Variants in CBFB observed in about 807,000 individuals in gnomAD.
CBFB encodes the protein CBF-beta.
A neutral mutation model predicts 30.4 loss-of-function variants in CBFB; 9 were observed. That is an observed-to-expected ratio of 0.30 (90% CI 0.18 to 0.52). The LOEUF (loss-of-function observed/expected upper bound fraction) is 0.52. Ranked by LOEUF, CBFB falls within the 20% of genes least tolerant of loss-of-function variation. The pLI is 0.97. For missense variants in CBFB, 170 were observed against 244.0 expected, an observed-to-expected ratio of 0.70 and a Z score of 2.02; for synonymous variants, 94 against 84.0, an observed-to-expected ratio of 1.12 and a Z score of -0.65.
At chr16:67,057,466 G>A (rs1055078176) in intron 3 of CBFB, among the ~76,000 whole-genome samples, 4 of 152,052 alleles carry the variant, frequency 2.6e-5, no homozygotes, top group Admixed American at 1.3e-4. Context: ...ATTCACAGAC[G>A]TGGCATTGCT....
intron 3 of CBFB, among the ~76,000 whole-genome samples, chr16:67,060,865 C>T (rs1036857202): frequency 2.6e-5 from 4 of 152,064 alleles, no homozygotes; most frequent in Admixed American, 6.6e-5. Flanking sequence ...GCTTTCTGCA[C>T]GTTTCATATA....
At position 67,099,154 on chromosome 16, in the gene CBFB, T is replaced by A; in HGVS notation, c.*376T>A. On this transcript the variant is annotated 3_prime_UTR_variant, in exon 6 of 6. Transcript: ENST00000412916. ...AATTGTATCAGAGGGTTTTCTCTAA[T>A]CATTTTTTCTATTTTTTTTTTTGTA... 1 of 250,744 alleles carries A rather than the reference T, an allele frequency of 4.0e-6. No homozygotes were observed. Among genetic ancestry groups the A allele is most frequent in the Non-Finnish European group, 7.7e-6 (1 of 130,632 alleles). 15.5% of individuals were successfully genotyped at this position (250,744 alleles called of 1,614,324 possible). A position where few individuals can be genotyped will look rare whatever the true frequency, so the allele number is the denominator to read the frequency against.
At chr16:67,064,695 C>G (rs974983266) in intron 3 of CBFB, among the ~76,000 whole-genome samples, 3 of 151,816 alleles carry the variant, frequency 2.0e-5, no homozygotes, top group African/African-American at 7.3e-5. Context: ...TATTTTGAGC[C>G]AATATGAGAA....
intron 4 of CBFB, among the ~76,000 whole-genome samples, chr16:67,079,344 A>C (rs1424287284): frequency 1.3e-5 from 2 of 152,136 alleles, no homozygotes; most frequent in Admixed American, 6.6e-5. Context: ...ATTTGATTAC[A>C]TCTTTCCATT....
chr16:67,091,460 C>A (rs374677298), intron 5 of CBFB, among the ~76,000 whole-genome samples: 3 of 152,144 alleles, frequency 2.0e-5, no homozygotes, highest in South Asian at 4.1e-4. Context: ...TGTAAGTTAC[C>A]TCTTCATTTT....
intron 3 of CBFB, among the ~76,000 whole-genome samples, chr16:67,056,774 C>T (rs987481507): frequency 2.0e-5 from 3 of 151,916 alleles, no homozygotes; most frequent in Non-Finnish European, 4.4e-5. Flanking sequence ...TTCGGCTTCC[C>T]GGGTTCAAGC....
At chr16:67,057,820 A>G (rs960798209) in intron 3 of CBFB, among the ~76,000 whole-genome samples, 1 of 152,060 alleles carries the variant, frequency 6.6e-6, no homozygotes, top group African/African-American at 2.4e-5. Context: ...GTATTTATAT[A>G]CTTGGTTTCA....
intron 2 of CBFB, among the ~76,000 whole-genome samples, chr16:67,036,069 A>G (rs1966435973): frequency 6.6e-6 from 1 of 152,310 alleles, no homozygotes; most frequent in East Asian, 1.9e-4. Flanking sequence ...CAAATGTGAG[A>G]AAAGACATAT....
In CBFB at chr16:67,029,400, G is replaced by T. The variant is rs1267718820; in HGVS notation, c.-8G>T. ...CGCGGCCGGCCGGCGCGGCCTCAGG[G>T]CGGGAAGATGCCGCGCGTCGTGCCC... On this transcript the variant is annotated 5_prime_UTR_variant, in exon 1 of 6. Coordinates refer to ENST00000412916, the MANE Select transcript of CBFB (RefSeq NM_022845.3). 2 of 1,549,626 alleles carry T rather than the reference G, an allele frequency of 1.3e-6. No individual in the cohort carries two copies. Among genetic ancestry groups the T allele is most frequent in the South Asian group, 1.2e-5 (1 of 84,212 alleles).
At chr16:67,039,635 A>G (rs1966498282) in intron 3 of CBFB, among the ~76,000 whole-genome samples, 1 of 150,856 alleles carries the variant, frequency 6.6e-6, no homozygotes, top group South Asian at 2.1e-4. Context: ...TTAAAAAGAT[A>G]TGTTTTTAAT....
chr16:67,064,721 A>G (rs1299177410), intron 3 of CBFB, among the ~76,000 whole-genome samples: 4 of 152,222 alleles, frequency 2.6e-5, no homozygotes, highest in East Asian at 1.9e-4. Flanking sequence ...TTGGTGATCA[A>G]AAATGATCTA....
intron 4 of CBFB, among the ~76,000 whole-genome samples, chr16:67,075,019 T>A (rs75520271): frequency 6.6e-6 from 1 of 151,900 alleles, no homozygotes; most frequent in East Asian, 1.9e-4. Context: ...CAAAACCCCA[T>A]CTCTACTAAA....
At chr16:67,069,324 C>G (rs147124164) in intron 4 of CBFB, among the ~76,000 whole-genome samples, 1 of 150,670 alleles carries the variant, frequency 6.6e-6, no homozygotes, top group Non-Finnish European at 1.5e-5. Context: ...AAGCCAAGAT[C>G]GCATCACTGC....
intron 4 of CBFB, among the ~76,000 whole-genome samples, chr16:67,076,466 C>G (rs1224356594): frequency 6.6e-6 from 1 of 152,108 alleles, no homozygotes; most frequent in Non-Finnish European, 1.5e-5. Context: ...AAAACCAATA[C>G]ATGTTTTTCC....
intron 4 of CBFB, among the ~76,000 whole-genome samples, chr16:67,068,668 A>G (rs544839739): frequency 1.4e-3 from 206 of 152,310 alleles, no homozygotes; most frequent in Middle Eastern, 0.01. Context: ...TTCAGCAAAA[A>G]GTTATGAGAT....
At chr16:67,036,808 T>C in intron 3 of CBFB, 53 bp downstream of exon 3, 1 of 973,556 alleles carries the variant, frequency 1.0e-6, no homozygotes, top group African/African-American at 1.6e-5. Context: ...TTGTTAGAGA[T>C]TATCTGGTAA....
In CBFB at chr16:67,099,652, T is replaced by C. The variant is rs989507089; in HGVS notation, c.*874T>C. 9.8e-6 allele frequency: 2 copies of C among 204,446 alleles called. No individual in the cohort carries two copies. The highest frequency in any genetic ancestry group is 2.0e-5 in the Non-Finnish European group (2 of 99,686). The allele number at this position is 204,446 out of a possible 1,614,324, so 12.7% of individuals were successfully genotyped here. A position where few individuals can be genotyped will look rare whatever the true frequency, so the allele number is the denominator to read the frequency against. On this transcript the variant is annotated 3_prime_UTR_variant, in exon 6 of 6. Coordinates refer to ENST00000412916, the MANE Select transcript of CBFB (RefSeq NM_022845.3). ...TTGGAGATATTCTCCATAGATGATC[T>C]TCTACTGAAATGCCTAAAGAAGTCA...
intron 4 of CBFB, among the ~76,000 whole-genome samples, chr16:67,078,002 G>T (rs979760989): frequency 6.6e-6 from 1 of 152,142 alleles, no homozygotes; most frequent in Non-Finnish European, 1.5e-5. Flanking sequence ...TGGTGGGGAC[G>T]GGAGAATTGA....
intron 3 of CBFB, among the ~76,000 whole-genome samples, chr16:67,056,684 CTT>C (rs563093554): frequency 4.2e-4 from 57 of 134,966 alleles, no homozygotes; most frequent in Non-Finnish European, 5.2e-4. Flanking sequence ...TTCTAGCAGG[CTT>C]TTTTTTTTTT....
Sources: gnomAD v4.1 joint callset for allele counts (sites outside exome capture counted in the v4.1 genomes callset) on GRCh38, gnomAD v4.1.1 for gene constraint, MANE v1.5 for transcripts, NCBI Gene and HGNC (gene_info 2026-07-23, HGNC 2026-07-21) for gene names.